The following CSMD3 variants were observed in gnomAD, a reference collection of about 807,000 sequenced individuals.
CSMD3 encodes CUB and sushi domain-containing protein 3.
CSMD3 carries 177 observed loss-of-function variants against 435.2 expected under a neutral mutation model. The ratio of observed to expected loss-of-function variants is 0.41; its 90% confidence interval spans 0.36 to 0.46. CSMD3 has a LOEUF of 0.46. Among genes scored for constraint, CSMD3 ranks in the 20% least tolerant of loss-of-function variants. The pLI is 0.34. For missense variants in CSMD3, 4,265 were observed against 4,504.6 expected, an observed-to-expected ratio of 0.95 and a Z score of 1.52; for synonymous variants, 1,656 against 1,520.5, an observed-to-expected ratio of 1.09 and a Z score of -2.07.
chr8:113,327,529 G>A (rs775256094), intron 1 of CSMD3, among the ~76,000 whole-genome samples: 1 of 152,008 alleles, frequency 6.6e-6, no homozygotes, highest in Non-Finnish European at 1.5e-5. Context: ...TTCCCAGTAG[G>A]AACCTTCAAA....
chr8:112,330,691 T>C (rs1051925002), intron 45 of CSMD3, among the ~76,000 whole-genome samples: 124 of 152,214 alleles, frequency 8.1e-4, no homozygotes, highest in African/African-American at 2.9e-3. Flanking sequence ...AAGCTTCAAG[T>C]TATAATTAGG....
chr8:113,298,657 G>A (rs2093740221), intron 2 of CSMD3, among the ~76,000 whole-genome samples: 1 of 152,144 alleles, frequency 6.6e-6, no homozygotes, highest in Admixed American at 6.6e-5. Context: ...AGGTTTGTTT[G>A]TAGTAGCTTC....
chr8:112,661,145 T>C (rs2075370459), intron 17 of CSMD3, among the ~76,000 whole-genome samples: 1 of 152,154 alleles, frequency 6.6e-6, no homozygotes, highest in African/African-American at 2.4e-5. Flanking sequence ...AATCAATAGA[T>C]AAAAGAATAA....
chr8:112,590,748 A>T (rs1831117549), intron 22 of CSMD3, among the ~76,000 whole-genome samples: 1 of 152,160 alleles, frequency 6.6e-6, no homozygotes, highest in Non-Finnish European at 1.5e-5. Flanking sequence ...ATTTTGGGTC[A>T]GAAAACCACT....
intron 6 of CSMD3, among the ~76,000 whole-genome samples, chr8:112,988,941 T>C (rs1371622426): frequency 5.3e-5 from 8 of 152,050 alleles, no homozygotes; most frequent in Admixed American, 3.3e-4. Flanking sequence ...CAGCTGCGGG[T>C]AAATAAGTTG....
intron 10 of CSMD3, among the ~76,000 whole-genome samples, chr8:112,881,266 C>T (rs967552600): frequency 6.6e-6 from 1 of 151,874 alleles, no homozygotes; most frequent in African/African-American, 2.4e-5. Context: ...TATTTGGGGA[C>T]TTACAACATT....
chr8:113,308,875 T>G (rs569497881), intron 2 of CSMD3, among the ~76,000 whole-genome samples: 4 of 152,316 alleles, frequency 2.6e-5, no homozygotes, highest in African/African-American at 7.2e-5. Flanking sequence ...AATTAAGAGA[T>G]AGTCTTTTAT....
intron 1 of CSMD3, among the ~76,000 whole-genome samples, chr8:113,356,502 T>C (rs1227324413): frequency 6.6e-6 from 1 of 152,090 alleles, no homozygotes; most frequent in Non-Finnish European, 1.5e-5. Flanking sequence ...TTCAAACAAT[T>C]CTCATTTTCA....
intron 3 of CSMD3, among the ~76,000 whole-genome samples, chr8:113,242,059 C>T (rs528721334): frequency 1.8e-4 from 27 of 151,252 alleles, no homozygotes; most frequent in African/African-American, 6.5e-4. Flanking sequence ...AATAGTTTGA[C>T]TTTTTCCCAA....
At position 113,185,301 on chromosome 8, in the gene CSMD3, G is replaced by C. The variant is rs547719178; in HGVS notation, c.515-11385C>G. On this transcript the variant is annotated intron_variant, in intron 3 of 70. Coordinates refer to ENST00000297405, the MANE Select transcript of CSMD3 (RefSeq NM_198123.2). Reference sequence around the variant, plus strand: ...GTCCTAGGACCACTTACCAAGTAAGGAAAGGAGAAAAAAAAGTTGAGGTGA... The same window carrying C: ...GTCCTAGGACCACTTACCAAGTAAGCAAAGGAGAAAAAAAAGTTGAGGTGA... Among the ~76,000 whole-genome samples the C allele has an allele frequency of 4.2e-4, 64 of 151,860 alleles. 1 individual carries two copies. The highest frequency in any genetic ancestry group is 1.5e-3 in the African/African-American group (62 of 41,458).
At chr8:113,310,386 C>A (rs1419974372) in intron 2 of CSMD3, 2 of 151,642 alleles carry the variant, frequency 1.3e-5, no homozygotes, top group East Asian at 1.9e-4. Flanking sequence ...TTTTAAAATT[C>A]TTCACTTATT....
intron 32 of CSMD3, among the ~76,000 whole-genome samples, chr8:112,469,265 A>C (rs1415679941): frequency 6.6e-6 from 1 of 151,934 alleles, no homozygotes; most frequent in Non-Finnish European, 1.5e-5. Context: ...TCTTACATTG[A>C]AGGAATAAAA....
At chr8:113,425,644 G>T (rs79896536) in intron 1 of CSMD3, among the ~76,000 whole-genome samples, 2,748 of 151,388 alleles carry the variant, frequency 0.018, 95 homozygotes, top group African/African-American at 0.061. Context: ...TCTAGAAAAT[G>T]GATCTTAAAA....
At chr8:113,321,272 T>C (rs2093947622) in intron 1 of CSMD3, among the ~76,000 whole-genome samples, 1 of 152,178 alleles carries the variant, frequency 6.6e-6, no homozygotes, top group African/African-American at 2.4e-5. Flanking sequence ...TCTTATATAA[T>C]AGCTAACTGA....
chr8:112,665,829 C>CT (rs945461344), intron 17 of CSMD3, among the ~76,000 whole-genome samples: 2 of 152,114 alleles, frequency 1.3e-5, no homozygotes, highest in African/African-American at 4.8e-5. Context: ...TTACTACATA[C>CT]TACATGACAG....
chr8:113,297,193 G>C (rs1001444628), intron 2 of CSMD3, among the ~76,000 whole-genome samples: 1 of 151,884 alleles, frequency 6.6e-6, no homozygotes, highest in Non-Finnish European at 1.5e-5. Context: ...TATGAAATTA[G>C]GTGCTAGAAA....
intron 14 of CSMD3, among the ~76,000 whole-genome samples, chr8:112,686,231 G>T (rs1392888537): frequency 6.6e-6 from 1 of 152,118 alleles, no homozygotes; most frequent in East Asian, 1.9e-4. Context: ...CACAAATAAG[G>T]AGATAAACTA....
rs539677938 is a variant in CSMD3, at chr8:112,962,534, CA to C, written c.1343-7774del. Among the ~76,000 whole-genome samples, 780 of 143,450 alleles carry C rather than the reference CA, an allele frequency of 5.4e-3. 3 individuals carry two copies. The highest frequency in any genetic ancestry group is 0.013 in the African/African-American group (513 of 39,212). The allele number at this position is 143,450 out of a possible 152,430, so 94.1% of individuals were successfully genotyped here. A position where few individuals can be genotyped will look rare whatever the true frequency, so the allele number is the denominator to read the frequency against. ...TGCATTGAATAATTTTATAAATTTACAAAAAAAAAATACAGAAAGAAACAGA... is the reference window on the plus strand; with the variant it reads ...TGCATTGAATAATTTTATAAATTTACAAAAAAAAATACAGAAAGAAACAGA... On this transcript the variant is annotated intron_variant, in intron 7 of 70. Transcript: ENST00000297405.
At chr8:112,444,842 G>A (rs1815419309) in intron 32 of CSMD3, among the ~76,000 whole-genome samples, 8 of 152,130 alleles carry the variant, frequency 5.3e-5, no homozygotes. Flanking sequence ...GTACACTTAA[G>A]ATCACTGTAT....
Sources: gnomAD v4.1 joint callset for allele counts (sites outside exome capture counted in the v4.1 genomes callset) on GRCh38, gnomAD v4.1.1 for gene constraint, MANE v1.5 for transcripts, NCBI Gene and HGNC (gene_info 2026-07-23, HGNC 2026-07-21) for gene names.